The following LRRC4C variants were observed in gnomAD, a reference collection of about 807,000 sequenced individuals.
LRRC4C encodes the protein leucine-rich repeat-containing protein 4C.
LRRC4C carries 5 observed loss-of-function variants against 33.6 expected under a neutral mutation model. The observed-to-expected ratio is 0.15, with a 90% CI of 0.08 to 0.31. LRRC4C has a LOEUF of 0.31. Among genes scored for constraint, LRRC4C ranks in the 10% least tolerant of loss-of-function variants. The probability of loss-of-function intolerance (pLI) is 1.00; values close to 1 mark genes in which losing one functional copy is unlikely to be tolerated. For synonymous variants in LRRC4C, 329 were observed against 302.0 expected (o/e 1.09, Z -0.93); for missense variants, 560 against 796.7 (o/e 0.70, Z 3.58).
Position 40,857,480 on chromosome 11 carries a change from T to C in LRRC4C, c.-407+76155A>G, listed in dbSNP as rs1040763206. On this transcript the variant is annotated intron_variant, in intron 2 of 6. Transcript: ENST00000528697. ...TTTCTGTTCCTGGAACCACACACAT[T>C]TTTATCTGAATGAAAGTTATAGTCA... is the stretch of plus-strand genomic sequence containing the variant. Among the ~76,000 whole-genome samples, 7 of 152,192 alleles carry C rather than the reference T, an allele frequency of 4.6e-5. No individual in the cohort carries two copies. The South Asian group carries it at 1.4e-3, about 31-fold the overall frequency.
chr11:40,842,764 T>G (rs1320361676), intron 2 of LRRC4C, among the ~76,000 whole-genome samples: 1 of 152,128 alleles, frequency 6.6e-6, no homozygotes, highest in African/African-American at 2.4e-5. Flanking sequence ...AGAACCGTGG[T>G]TCTCAAGTGG....
rs571281446 is a variant in LRRC4C, at chr11:40,164,943, C to A, written c.-95-24090G>T. Reference sequence around the variant, plus strand: ...AATTGACATCCATCTGGTAACTAAGCTCAGGACATGTTACCAAATTGAAGT... The same window carrying A: ...AATTGACATCCATCTGGTAACTAAGATCAGGACATGTTACCAAATTGAAGT... On this transcript the variant is annotated intron_variant, in intron 5 of 6. Transcript: ENST00000528697. Among the ~76,000 whole-genome samples, 5 of 152,192 alleles carry A rather than the reference C, an allele frequency of 3.3e-5. No individual in the cohort carries two copies. In the East Asian group the frequency reaches 5.8e-4, roughly 18 times the overall value.
intron 1 of LRRC4C, among the ~76,000 whole-genome samples, chr11:41,006,832 C>A (rs1202058942): frequency 6.6e-6 from 1 of 152,092 alleles, no homozygotes; most frequent in Non-Finnish European, 1.5e-5. Flanking sequence ...TGCACAAATT[C>A]ATATTTTCAC....
At chr11:41,114,706 A>G (rs1326259173) in intron 1 of LRRC4C, among the ~76,000 whole-genome samples, 1 of 152,082 alleles carries the variant, frequency 6.6e-6, no homozygotes, top group Admixed American at 6.6e-5. Context: ...TATGACAAGG[A>G]TATAATACAG....
rs12223426 is a variant in LRRC4C at position 41,038,401 on chromosome 11, C to T, written c.-495-104678G>A. ...AGTTAATCCTCTTAATTTCCCTAACCTCATTTACATTTTCAATGCTAATTT... is the reference window on the plus strand; with the variant it reads ...AGTTAATCCTCTTAATTTCCCTAACTTCATTTACATTTTCAATGCTAATTT... On this transcript the variant is annotated intron_variant, in intron 1 of 6. Transcript: ENST00000528697. 1.9e-3 allele frequency among the ~76,000 whole-genome samples: 285 copies of T among 152,236 alleles called. 8 individuals carry two copies. The East Asian group carries it at 0.049, about 26-fold the overall frequency.
At chr11:40,576,341 A>G (rs1306740761) in intron 3 of LRRC4C, among the ~76,000 whole-genome samples, 1 of 152,220 alleles carries the variant, frequency 6.6e-6, no homozygotes, top group Non-Finnish European at 1.5e-5. Context: ...ACCTTTGGTC[A>G]CTGTCTTATT....
chr11:41,385,925 G>A (rs1424293118), intron 1 of LRRC4C, among the ~76,000 whole-genome samples: 2 of 151,464 alleles, frequency 1.3e-5, no homozygotes, highest in Non-Finnish European at 3.0e-5. Flanking sequence ...TTTTATTTAT[G>A]AAATCCAGCT....
At chr11:40,913,549 T>C (rs1956794251) in intron 2 of LRRC4C, among the ~76,000 whole-genome samples, 1 of 151,336 alleles carries the variant, frequency 6.6e-6, no homozygotes, top group South Asian at 2.1e-4. Context: ...TTCAAAGCAG[T>C]GTGTAGAGGG....
intron 2 of LRRC4C, among the ~76,000 whole-genome samples, chr11:40,869,988 T>G (rs1298187418): frequency 6.6e-6 from 1 of 152,080 alleles, no homozygotes; most frequent in African/African-American, 2.4e-5. Flanking sequence ...CCTATACAGA[T>G]TTGCTGTTCA....
chr11:40,715,656 G>T (rs1946670506), intron 2 of LRRC4C, among the ~76,000 whole-genome samples: 1 of 152,166 alleles, frequency 6.6e-6, no homozygotes, highest in Non-Finnish European at 1.5e-5. Flanking sequence ...TTCAGGAGTA[G>T]AACAGAATAT....
intron 4 of LRRC4C, among the ~76,000 whole-genome samples, chr11:40,303,584 T>C (rs1366575887): frequency 6.6e-6 from 1 of 152,198 alleles, no homozygotes; most frequent in East Asian, 1.9e-4. Context: ...TATAGTGGGA[T>C]TGTCCTATTA....
chr11:41,024,388 T>C (rs1856199218), intron 1 of LRRC4C, among the ~76,000 whole-genome samples: 1 of 151,730 alleles, frequency 6.6e-6, no homozygotes. Flanking sequence ...ACTATAGATA[T>C]AAAGCTGGGC....
In LRRC4C at chr11:40,127,283, CA is replaced by C. The variant is rs1554950309; in HGVS notation, c.-42-10950del. 3.1e-3 allele frequency among the ~76,000 whole-genome samples: 440 copies of C among 140,814 alleles called. 2 individuals are homozygous for C. The highest frequency in any genetic ancestry group is 9.6e-3 in the African/African-American group (367 of 38,106). 92.4% of individuals were successfully genotyped at this position (140,814 alleles called of 152,430 possible). On this transcript the variant is annotated intron_variant, in intron 6 of 6. Transcript: ENST00000528697. Reference sequence around the variant, plus strand: ...GAACTAGACTCCATCTCAAAAAAAGCAAAAAAAAAAATATAGAGATTTGGAA... The same window carrying C: ...GAACTAGACTCCATCTCAAAAAAAGCAAAAAAAAAATATAGAGATTTGGAA...
chr11:40,165,181 C>T (rs545454276), intron 5 of LRRC4C, among the ~76,000 whole-genome samples: 1 of 152,228 alleles, frequency 6.6e-6, no homozygotes, highest in Non-Finnish European at 1.5e-5. Context: ...TTTGTGTTTG[C>T]ATATGTCTGC....
intron 1 of LRRC4C, among the ~76,000 whole-genome samples, chr11:41,067,069 T>G (rs1938298995): frequency 6.6e-6 from 1 of 152,130 alleles, no homozygotes; most frequent in Non-Finnish European, 1.5e-5. Context: ...CATAACAATA[T>G]TAACAGTACA....
At chr11:41,281,073 T>TGTC (rs1949652245) in intron 1 of LRRC4C, among the ~76,000 whole-genome samples, 1 of 135,368 alleles carries the variant, frequency 7.4e-6, no homozygotes, top group African/African-American at 2.8e-5. Flanking sequence ...TCTCTCTCTC[T>TGTC]CTGTCCTCTC....
chr11:40,175,676 G>A (rs1291598460), intron 5 of LRRC4C, among the ~76,000 whole-genome samples: 1 of 152,080 alleles, frequency 6.6e-6, no homozygotes, highest in African/African-American at 2.4e-5. Context: ...TGAGTACCAG[G>A]AAATTAAATA....
At chr11:40,964,414 C>A (rs1851189480) in intron 1 of LRRC4C, among the ~76,000 whole-genome samples, 1 of 151,690 alleles carries the variant, frequency 6.6e-6, no homozygotes, top group African/African-American at 2.4e-5. Context: ...TACATGTGCA[C>A]AACGTGCAGG....
chr11:41,055,819 A>G (rs1858580619), intron 1 of LRRC4C, among the ~76,000 whole-genome samples: 1 of 152,164 alleles, frequency 6.6e-6, no homozygotes. Context: ...GTGCTTACCC[A>G]ACTCACATTA....
Sources: allele counts gnomAD v4.1 joint callset (sites outside exome capture counted in the v4.1 genomes callset), GRCh38; gene constraint gnomAD v4.1.1; transcripts MANE v1.5; gene names NCBI Gene and HGNC (gene_info 2026-07-23, HGNC 2026-07-21).